CTNNBIP1: variants seen among roughly 807,000 people sequenced by gnomAD.
CTNNBIP1 encodes the protein catenin beta interacting protein 1.
In CTNNBIP1, 7 loss-of-function variants were observed where a neutral mutation model predicts 11.8. The observed-to-expected ratio is 0.60, with a 90% CI of 0.34 to 1.12. CTNNBIP1 has a LOEUF of 1.12. CTNNBIP1 is among the 50% of genes most tolerant of loss of function. The probability of loss-of-function intolerance (pLI) is 0.03; values close to 1 mark genes in which losing one functional copy is unlikely to be tolerated. For missense variants in CTNNBIP1, 101 were observed against 113.4 expected (o/e 0.89, Z 0.50); for synonymous variants, 58 against 43.9 (o/e 1.32, Z -1.26).
rs1036805418 is a variant in CTNNBIP1, at chr1:9,851,808, T to C, written c.188-1032A>G. ...AGTGGCAGGAGGGCAAAGCTCGAAA[T>C]GCTGACCTGCCACCCACACCCACAA... On this transcript the variant is annotated intron_variant, in intron 5 of 5. Coordinates refer to ENST00000377263, the MANE Select transcript of CTNNBIP1 (RefSeq NM_020248.3). This position sits in a 1 kb window ranked among gnomAD's most constrained non-coding sequence, Gnocchi z 4.8. Among the ~76,000 whole-genome samples, 2 of 152,124 alleles carry C rather than the reference T, an allele frequency of 1.3e-5. No individual in the cohort carries two copies. Among genetic ancestry groups the C allele is most frequent in the African/African-American group, 4.8e-5 (2 of 41,418 alleles).
At chr1:9,885,535 T>A (rs148071640) in intron 1 of CTNNBIP1, among the ~76,000 whole-genome samples, 3 of 152,006 alleles carry the variant, frequency 2.0e-5, no homozygotes, top group Non-Finnish European at 4.4e-5. Flanking sequence ...TCACAGTTAT[T>A]CTGGAGGCTG....
intron 1 of CTNNBIP1, among the ~76,000 whole-genome samples, chr1:9,904,859 C>G (rs1639587581): frequency 6.6e-6 from 1 of 152,108 alleles, no homozygotes; most frequent in South Asian, 2.1e-4. Flanking sequence ...TCATTCAACT[C>G]AAGAAATGTT....
chr1:9,882,004 C>T (rs1444672881), intron 2 of CTNNBIP1, among the ~76,000 whole-genome samples: 1 of 152,248 alleles, frequency 6.6e-6, no homozygotes, highest in African/African-American at 2.4e-5. Flanking sequence ...AACCCTCCTA[C>T]AGTGCCAACC....
In CTNNBIP1 at chr1:9,849,890, G is replaced by C. The variant is rs997901184; in HGVS notation, c.*828C>G. 3.3e-5 allele frequency: 5 copies of C among 152,074 alleles called. No individual in the cohort carries two copies. Among genetic ancestry groups the C allele is most frequent in the African/African-American group, 1.2e-4 (5 of 41,376 alleles). 9.4% of individuals were successfully genotyped at this position (152,074 alleles called of 1,614,324 possible). ...TTCAAGACGACACAAAGCTCCTCAG[G>C]GGCCCAACTTTCCAGCTGTGGACCC... is the stretch of plus-strand genomic sequence containing the variant. On this transcript the variant is annotated 3_prime_UTR_variant, in exon 6 of 6. Transcript: ENST00000377263.
chr1:9,909,351 CA>C (rs1218555101), intron 1 of CTNNBIP1, among the ~76,000 whole-genome samples: 2 of 152,190 alleles, frequency 1.3e-5, no homozygotes, highest in African/African-American at 4.8e-5. Flanking sequence ...GATTTGCGGC[CA>C]ACACGGCCCC....
chr1:9,869,009 T>A (rs1012688639), intron 5 of CTNNBIP1, among the ~76,000 whole-genome samples: 1 of 152,128 alleles, frequency 6.6e-6, no homozygotes, highest in Non-Finnish European at 1.5e-5. Flanking sequence ...AAAAATTTTT[T>A]AAATTTATGA....
chr1:9,878,181 T>C (rs1557755974), intron 2 of CTNNBIP1, 192 bp from the exon 3 acceptor site: 2 of 152,376 alleles, frequency 1.3e-5, no homozygotes, highest in East Asian at 1.9e-4. Context: ...CCCACACCTC[T>C]GGGATAAATA....
Position 9,871,736 on chromosome 1 carries a change from C to A in CTNNBIP1, c.96+233G>T, listed in dbSNP as rs184210212. Among the ~76,000 whole-genome samples the A allele has an allele frequency of 6.6e-6, 1 of 152,180 alleles. No individual in the cohort carries two copies. The highest frequency in any genetic ancestry group is 1.5e-5 in the Non-Finnish European group (1 of 68,014). On this transcript the variant is annotated intron_variant, in intron 4 of 5. Coordinates refer to ENST00000377263, the MANE Select transcript of CTNNBIP1 (RefSeq NM_020248.3). This position sits in a 1 kb window ranked among gnomAD's most constrained non-coding sequence, Gnocchi z 5.2. The stretch of plus-strand genomic sequence containing the variant: ...AGGTCAGGGCCTTGAGACCCTCACC[C>A]GCCTGGCCCCAATCCGGCAGTGTCG...
intron 5 of CTNNBIP1, among the ~76,000 whole-genome samples, chr1:9,864,260 C>T (rs1204143848): frequency 3.9e-5 from 6 of 152,236 alleles, no homozygotes; most frequent in Admixed American, 3.9e-4. Flanking sequence ...AGAGAAAAAA[C>T]AAGGAGCTTC....
intron 1 of CTNNBIP1, among the ~76,000 whole-genome samples, chr1:9,888,874 G>C (rs145930964): frequency 2.0e-5 from 3 of 152,300 alleles, no homozygotes; most frequent in African/African-American, 7.2e-5. Context: ...AGGCCCTTTC[G>C]GAAGGTTCTG....
At chr1:9,893,210 C>T (rs1639343967) in intron 1 of CTNNBIP1, 1 of 152,234 alleles carries the variant, frequency 6.6e-6, no homozygotes, top group Non-Finnish European at 1.5e-5. Context: ...GTTAAAGCCA[C>T]CACAGACAAG....
At chr1:9,899,393 C>G (rs1639475348) in intron 1 of CTNNBIP1, among the ~76,000 whole-genome samples, 1 of 145,542 alleles carries the variant, frequency 6.9e-6, no homozygotes, top group Non-Finnish European at 1.5e-5. Flanking sequence ...GAGGCACAGG[C>G]TGCAGTGAGC....
intron 1 of CTNNBIP1, among the ~76,000 whole-genome samples, chr1:9,901,291 GCA>G (rs1434143304): frequency 6.6e-6 from 1 of 152,192 alleles, no homozygotes; most frequent in East Asian, 1.9e-4. Context: ...GCTGCCTGAG[GCA>G]GGTGGCTGTG....
chr1:9,888,386 A>T (rs1639229381), intron 1 of CTNNBIP1, among the ~76,000 whole-genome samples: 3 of 151,900 alleles, frequency 2.0e-5, no homozygotes, highest in African/African-American at 7.2e-5. Context: ...GTTCAAGACC[A>T]GCCTGGCAAA....
intron 5 of CTNNBIP1, among the ~76,000 whole-genome samples, chr1:9,864,208 G>A (rs1638693102): frequency 6.6e-6 from 1 of 152,210 alleles, no homozygotes; most frequent in Non-Finnish European, 1.5e-5. Context: ...AGACAAGAAG[G>A]GTGGCAGCAG....
At chr1:9,906,261 AAG>A (rs1639617677) in intron 1 of CTNNBIP1, among the ~76,000 whole-genome samples, 1 of 152,172 alleles carries the variant, frequency 6.6e-6, no homozygotes, top group African/African-American at 2.4e-5. Flanking sequence ...TGGTCTAATT[AAG>A]AGCTACACTT....
At chr1:9,874,280 C>T (rs778536340) in intron 3 of CTNNBIP1, among the ~76,000 whole-genome samples, 6 of 152,132 alleles carry the variant, frequency 3.9e-5, no homozygotes, top group African/African-American at 1.2e-4. Context: ...GGAAGCCTTC[C>T]CTGGCAGTTG....
chr1:9,891,104 A>G (rs917606766), intron 1 of CTNNBIP1, among the ~76,000 whole-genome samples: 1 of 151,952 alleles, frequency 6.6e-6, no homozygotes, highest in African/African-American at 2.4e-5. Context: ...AGGAAATTTA[A>G]AAGTACTTCA....
chr1:9,852,103 G>T (rs1347154592), intron 5 of CTNNBIP1, among the ~76,000 whole-genome samples: 1 of 152,162 alleles, frequency 6.6e-6, no homozygotes, highest in Non-Finnish European at 1.5e-5. Flanking sequence ...GGCCAGTGTG[G>T]GGAGTGTGAA....
Sources: gnomAD v4.1 joint callset for allele counts (sites outside exome capture counted in the v4.1 genomes callset) on GRCh38, gnomAD v4.1.1 for gene constraint, Gnocchi (gnomAD v3.1) non-coding constraint, MANE v1.5 for transcripts, NCBI Gene and HGNC (gene_info 2026-07-23, HGNC 2026-07-21) for gene names.